The following MAP2 variants were observed in gnomAD, a reference collection of about 807,000 sequenced individuals.
MAP2 encodes the protein microtubule associated protein 2, also known as microtubule-associated protein 2.
MAP2 carries 14 observed loss-of-function variants against 137.6 expected under a neutral mutation model. The observed-to-expected ratio is 0.10, with a 90% CI of 0.07 to 0.16. MAP2 has a LOEUF of 0.16. Ranked by LOEUF, MAP2 falls within the 10% of genes least tolerant of loss-of-function variation. The pLI, the probability that MAP2 is intolerant of heterozygous loss-of-function variation, is 1.00. For synonymous variants in MAP2, 786 were observed against 782.3 expected, an observed-to-expected ratio of 1.00 and a Z score of -0.08; for missense variants, 2,088 against 2,191.5, an observed-to-expected ratio of 0.95 and a Z score of 0.94.
At chr2:209,468,665 A>T (rs1475992263) in intron 1 of MAP2, among the ~76,000 whole-genome samples, 1 of 152,180 alleles carries the variant, frequency 6.6e-6, no homozygotes, top group African/African-American at 2.4e-5. Flanking sequence ...CGTTGAGTTT[A>T]TCAAGAGTTT....
chr2:209,635,060 A>G (rs944523494), intron 4 of MAP2, among the ~76,000 whole-genome samples: 3 of 152,046 alleles, frequency 2.0e-5, no homozygotes, highest in Non-Finnish European at 4.4e-5. Context: ...TCATGCCACT[A>G]CACTCCAGCC....
chr2:209,680,213 A>T (rs1214771379), intron 6 of MAP2, among the ~76,000 whole-genome samples: 1 of 152,198 alleles, frequency 6.6e-6, no homozygotes, highest in Non-Finnish European at 1.5e-5. Flanking sequence ...CTGAGAATAC[A>T]TACAGAAGAT....
intron 2 of MAP2, among the ~76,000 whole-genome samples, chr2:209,543,223 G>T (rs1008252149): frequency 6.6e-6 from 1 of 152,196 alleles, no homozygotes; most frequent in Non-Finnish European, 1.5e-5. Flanking sequence ...CAGTGGAGCA[G>T]TCAGAACATG....
In MAP2 at chr2:209,696,028, C is replaced by G. The variant is rs141793873; in HGVS notation, c.3858C>G (p.Thr1286=). 2.3e-4 allele frequency: 377 copies of G among 1,613,990 alleles called. No homozygotes were observed. Among genetic ancestry groups the G allele is most frequent in the Non-Finnish European group, 2.9e-4 (337 of 1,180,024 alleles). ...AAGGAGTGATTGAGTCTGTTGTGAC[C>G]ATCGAGGATGATTTCATCACTGTAG... ...EHKGVIESVV[T]IEDDFITVVQ... The change falls in exon 8 of 16, where the codon ACC becomes ACG. Residue 1286 remains threonine (T), a synonymous_variant. Transcript: ENST00000682079.
At chr2:209,588,704 A>C (rs1179008245) in intron 3 of MAP2, among the ~76,000 whole-genome samples, 3 of 152,108 alleles carry the variant, frequency 2.0e-5, no homozygotes, top group Non-Finnish European at 2.9e-5. Context: ...AGCGTTAAGG[A>C]TTCTTCTGAC....
chr2:209,578,782 C>A (rs947663893), intron 2 of MAP2, among the ~76,000 whole-genome samples: 1 of 152,200 alleles, frequency 6.6e-6, no homozygotes, highest in African/African-American at 2.4e-5. Flanking sequence ...GGAGGGGATA[C>A]AGATTATGCC....
chr2:209,442,876 C>A (rs1183020914), intron 1 of MAP2, among the ~76,000 whole-genome samples: 3 of 151,560 alleles, frequency 2.0e-5, no homozygotes, highest in Non-Finnish European at 4.4e-5. Flanking sequence ...ATATTTCTTT[C>A]AAATTTTTCT....
rs560722906 is a variant in MAP2 at position 209,438,241 on chromosome 2, G to T, written c.-222+13965G>T. On this transcript the variant is annotated intron_variant, in intron 1 of 15. Transcript: ENST00000682079. ...TACATATCAGATACTTATGGAAACA[G>T]TCTGTAGATAAGGATGTGGATGTAA... Among the ~76,000 whole-genome samples, 311 of 151,760 alleles carry T rather than the reference G, an allele frequency of 2.0e-3. 1 individual carries two copies. Among genetic ancestry groups the T allele is most frequent in the African/African-American group, 6.8e-3 (282 of 41,468 alleles).
At chr2:209,711,287 T>C (rs2065362735) in intron 13 of MAP2, among the ~76,000 whole-genome samples, 1 of 152,190 alleles carries the variant, frequency 6.6e-6, no homozygotes, top group Admixed American at 6.5e-5. Context: ...AAAGAAAATC[T>C]ATTTTCAGGA....
At chr2:209,705,412 CTCTT>C (rs1334728914) in intron 11 of MAP2, 164 bp from the exon 12 acceptor site, 4 of 455,436 alleles carry the variant, frequency 8.8e-6, no homozygotes, top group African/African-American at 2.0e-5. Flanking sequence ...CAAATATGCA[CTCTT>C]TCTAAGTTAT....
intron 2 of MAP2, among the ~76,000 whole-genome samples, chr2:209,543,883 A>G (rs1477298872): frequency 6.6e-6 from 1 of 152,166 alleles, no homozygotes; most frequent in African/African-American, 2.4e-5. Context: ...TAAATCCATG[A>G]TGTCTGTCTC....
intron 3 of MAP2, among the ~76,000 whole-genome samples, chr2:209,592,047 AGT>A (rs779197534): frequency 6.6e-6 from 1 of 152,184 alleles, no homozygotes; most frequent in African/African-American, 2.4e-5. Flanking sequence ...CTGCTTTTCA[AGT>A]GAAAATATTC....
chr2:209,515,665 A>G (rs11895827), intron 2 of MAP2, among the ~76,000 whole-genome samples: 34,211 of 152,088 alleles, frequency 0.22, 5,194 homozygotes, highest in African/African-American at 0.43. Context: ...AATTTGAGGT[A>G]AGATTTGGGT....
At chr2:209,468,695 A>G (rs1024765916) in intron 1 of MAP2, among the ~76,000 whole-genome samples, 2 of 152,216 alleles carry the variant, frequency 1.3e-5, no homozygotes, top group African/African-American at 2.4e-5. Flanking sequence ...ACACTCAGCA[A>G]CATGAGTTTC....
chr2:209,518,253 A>T (rs1471443410), intron 2 of MAP2, among the ~76,000 whole-genome samples: 2 of 152,066 alleles, frequency 1.3e-5, no homozygotes, highest in Non-Finnish European at 2.9e-5. Context: ...GAGAGGGGAA[A>T]ACTAATGCAT....
Position 209,730,986 on chromosome 2 carries a change from A to G in MAP2, c.*589A>G, listed in dbSNP as rs2075705822. ...GTCCAATAAATTATTTAACTAATTA[A>G]AAAATAGTTGCAAAGCATTTGAGCT... is the stretch of plus-strand genomic sequence containing the variant. On this transcript the variant is annotated 3_prime_UTR_variant, in exon 16 of 16. Transcript: ENST00000682079. The G allele has an allele frequency of 6.5e-6, 1 of 152,816 alleles. No homozygotes were observed. The highest frequency in any genetic ancestry group is 2.4e-5 in the African/African-American group (1 of 41,432). 9.5% of individuals were successfully genotyped at this position (152,816 alleles called of 1,614,324 possible). A position where few individuals can be genotyped will look rare whatever the true frequency, so the allele number is the denominator to read the frequency against.
chr2:209,690,956 T>TA lies in MAP2; in HGVS notation c.455-1668dup. On this transcript the variant is annotated intron_variant, in intron 7 of 15. Transcript: ENST00000682079. ...ATTTCGCTATTTCATCGCTGGGTCT[T>TA]ATGATAACAAGTCCACTGTTGTAGG... 3 of 1,054,844 alleles carry TA rather than the reference T, an allele frequency of 2.8e-6. No homozygotes were observed. In the South Asian group the frequency reaches 4.8e-5, roughly 17 times the overall value. The allele number at this position is 1,054,844 out of a possible 1,614,324, so 65.3% of individuals were successfully genotyped here.
At chr2:209,458,014 C>T (rs987282086) in intron 1 of MAP2, among the ~76,000 whole-genome samples, 1 of 152,092 alleles carries the variant, frequency 6.6e-6, no homozygotes, top group Non-Finnish European at 1.5e-5. Context: ...AAAGGCTGCA[C>T]TATGTTTCCA....
intron 7 of MAP2, chr2:209,690,888 T>C (rs2058662449): frequency 8.0e-7 from 1 of 1,242,418 alleles, no homozygotes. Context: ...TTGTTGCAAA[T>C]GATCTCTCCA....
Sources: allele counts gnomAD v4.1 joint callset (sites outside exome capture counted in the v4.1 genomes callset), GRCh38; gene constraint gnomAD v4.1.1; transcripts MANE v1.5; gene names NCBI Gene and HGNC (gene_info 2026-07-23, HGNC 2026-07-21).